The following USP39 variants were observed in gnomAD, a reference collection of about 807,000 sequenced individuals.
USP39 encodes the protein ubiquitin specific peptidase 39.
In USP39, 38 loss-of-function variants were observed where a neutral mutation model predicts 66.4. The observed-to-expected ratio is 0.57, with a 90% CI of 0.44 to 0.75. The LOEUF is 0.75. Ranked by LOEUF, USP39 falls within the 30% of genes least tolerant of loss-of-function variation. The pLI is 0.00. For synonymous variants in USP39, 303 were observed against 274.6 expected, an observed-to-expected ratio of 1.10 and a Z score of -1.02; for missense variants, 608 against 714.4, an observed-to-expected ratio of 0.85 and a Z score of 1.70.
At chr2:85,613,811 A>AAATAAAAAAAATTTTTTAATTT (rs1673733630), upstream of USP39, among the ~76,000 whole-genome samples, 1 of 151,888 alleles carries the variant, frequency 6.6e-6, no homozygotes, top group South Asian at 2.1e-4. Flanking sequence ...GCAGGATCTC[A>AAATAAAAAAAATTTTTTAATTT]CTGTCGCATA....
chr2:85,618,809 GC>G (rs1472229852), intron 1 of USP39, among the ~76,000 whole-genome samples: 2 of 150,266 alleles, frequency 1.3e-5, no homozygotes, highest in African/African-American at 4.9e-5. Context: ...TGCTCTTGTC[GC>G]CCAGGCTGGA....
chr2:85,608,955 C>G, upstream of USP39: 2 of 1,614,240 alleles, frequency 1.2e-6, no homozygotes, highest in East Asian at 2.2e-5. Flanking sequence ...TCAGTGTTGG[C>G]TCTGGCGCTT....
chr2:85,633,592 C>T (rs992945216), intron 6 of USP39, among the ~76,000 whole-genome samples: 8 of 151,882 alleles, frequency 5.3e-5, no homozygotes, highest in African/African-American at 1.9e-4. Flanking sequence ...TGACATAGAC[C>T]CTATATCTAC....
intron 3 of USP39, among the ~76,000 whole-genome samples, chr2:85,622,418 C>T (rs1000902585): frequency 1.1e-4 from 16 of 152,028 alleles, no homozygotes; most frequent in African/African-American, 2.9e-4. Flanking sequence ...CCACCGTGCA[C>T]GGCCACATTT....
At position 85,637,430 on chromosome 2, in the gene USP39, T is replaced by C; in HGVS notation, c.1089T>C (p.Pro363=). ...TCTTCACTAAAAAGCTTCCCCATCC[T>C]GATCTGGTGAGTTAATTGAGCCTGG... ...MRIFTKKLPH[P]DLPAEEKEQL... is the part of the protein sequence containing the mutation. The change falls in exon 8 of 13, where the codon CCT becomes CCC. Residue 363 remains proline, a synonymous_variant. Coordinates refer to ENST00000323701, the MANE Select transcript of USP39 (RefSeq NM_006590.4). 6.2e-7 allele frequency: 1 copy of C among 1,614,162 alleles called. No homozygotes were observed. The highest frequency in any genetic ancestry group is 8.5e-7 in the Non-Finnish European group (1 of 1,180,000).
At chr2:85,643,043 C>CCTGGACAA in intron 10 of USP39, among the ~76,000 whole-genome samples, 1 of 150,720 alleles carries the variant, frequency 6.6e-6, no homozygotes, top group Non-Finnish European at 1.5e-5. Context: ...TTGAGACCTG[C>CCTGGACAA]CTGGACAACA....
Position 85,643,411 on chromosome 2 carries a change from A to G in USP39, c.1428-1537A>G, listed in dbSNP as rs977110829. On this transcript the variant is annotated intron_variant, in intron 10 of 12. Transcript: ENST00000323701. ...AGGCTGAGACAGGAGAATGGCGTGA[A>G]CCCAGGAAGCAGAGCTTGCAGTGAA... Among the ~76,000 whole-genome samples the G allele has an allele frequency of 1.9e-4, 29 of 151,780 alleles. 1 individual carries two copies. Among genetic ancestry groups the G allele is most frequent in the Admixed American group, 1.3e-4 (2 of 15,240 alleles).
chr2:85,612,217 GT>G (rs547788644), upstream of USP39: 107 of 1,231,736 alleles, frequency 8.7e-5, no homozygotes, highest in Middle Eastern at 1.9e-4. Context: ...TTTTGTTTTT[GT>G]TTTTTTTTGT....
chr2:85,648,833 C>G lies in USP39; in HGVS notation c.*25C>G. 6.2e-7 allele frequency: 1 copy of G among 1,613,512 alleles called. No homozygotes were observed. Among genetic ancestry groups the G allele is most frequent in the Non-Finnish European group, 8.5e-7 (1 of 1,179,762 alleles). ...AAGGAGGCGTCTAGGGCTTTGCTCC[C>G]AAGGGCTGTGGCTGATGATGGTAAA... On this transcript the variant is annotated 3_prime_UTR_variant, in exon 13 of 13. Transcript: ENST00000323701.
chr2:85,616,752 A>C (rs1381792915), intron 1 of USP39, among the ~76,000 whole-genome samples: 3 of 143,708 alleles, frequency 2.1e-5, no homozygotes, highest in Non-Finnish European at 3.0e-5. Flanking sequence ...ATCTCGGCTC[A>C]CTGCAACCTC....
Position 85,619,204 on chromosome 2 carries a change from A to G in USP39, c.269-16A>G, listed in dbSNP as rs1262336696. 2 of 1,613,572 alleles carry G rather than the reference A, an allele frequency of 1.2e-6. No individual in the cohort carries two copies. Among genetic ancestry groups the G allele is most frequent in the African/African-American group, 2.7e-5 (2 of 74,860 alleles). ...AGGTTTCCCATTTTCAAAGCCTGTG[A>G]TGATTTTCCTTTCAGCAAAGAATGG... On this transcript the variant is annotated splice_polypyrimidine_tract_variant and intron_variant, in intron 1 of 12. Coordinates refer to ENST00000323701, the MANE Select transcript of USP39 (RefSeq NM_006590.4).
At chr2:85,628,435 G>A (rs760962542) in intron 5 of USP39, among the ~76,000 whole-genome samples, 9 of 152,124 alleles carry the variant, frequency 5.9e-5, no homozygotes, top group Admixed American at 1.3e-4. Context: ...GTGAGCCACC[G>A]CGCCCTGCCG....
intron 5 of USP39, among the ~76,000 whole-genome samples, chr2:85,626,610 T>A (rs948326849): frequency 6.6e-6 from 1 of 152,166 alleles, no homozygotes; most frequent in East Asian, 1.9e-4. Flanking sequence ...TGCATTTTTT[T>A]AAAAAAATGG....
chr2:85,614,979 A>AGTGTGGTGTGGTGTGGTGTGGTGTG (rs146502279), upstream of USP39, among the ~76,000 whole-genome samples: 177 of 145,060 alleles, frequency 1.2e-3, no homozygotes, highest in African/African-American at 3.2e-3. Flanking sequence ...AATTGCACAC[A>AGTGTGGTGTGGTGTGGTGTGGTGTG]GTGTGGTGTG....
chr2:85,618,613 G>T (rs1674198695), intron 1 of USP39, among the ~76,000 whole-genome samples: 1 of 149,872 alleles, frequency 6.7e-6, no homozygotes, highest in South Asian at 2.1e-4. Context: ...TGGTACATTT[G>T]TATTACAATT....
At chr2:85,637,828 C>T (rs1675899944) in intron 8 of USP39, among the ~76,000 whole-genome samples, 1 of 151,990 alleles carries the variant, frequency 6.6e-6, no homozygotes, top group Non-Finnish European at 1.5e-5. Context: ...TCCTGAGTGG[C>T]TGTGATTACA....
At chr2:85,604,541 C>G (rs1673147522) in intron 1 of USP39, among the ~76,000 whole-genome samples, 1 of 152,146 alleles carries the variant, frequency 6.6e-6, no homozygotes, top group Non-Finnish European at 1.5e-5. Context: ...CACATTAGGA[C>G]AAGTAGTTAA....
chr2:85,615,259 A>T (rs1368747567), upstream of USP39, among the ~76,000 whole-genome samples: 1 of 152,062 alleles, frequency 6.6e-6, no homozygotes, highest in Non-Finnish European at 1.5e-5. Flanking sequence ...ACCTCAGGTG[A>T]TCCGCCCGCC....
At chr2:85,619,562 T>C (rs1674289156) in intron 2 of USP39, among the ~76,000 whole-genome samples, 1 of 149,550 alleles carries the variant, frequency 6.7e-6, no homozygotes, top group African/African-American at 2.5e-5. Context: ...ATGGAGTATC[T>C]AGTATGTGCT....
Sources: allele counts gnomAD v4.1 joint callset (sites outside exome capture counted in the v4.1 genomes callset), GRCh38; gene constraint gnomAD v4.1.1; transcripts MANE v1.5; gene names NCBI Gene and HGNC (gene_info 2026-07-23, HGNC 2026-07-21).